Variants in TRIT1 observed in about 807,000 individuals in gnomAD.
TRIT1 encodes tRNA isopentenyltransferase 1.
A neutral mutation model predicts 51.2 loss-of-function variants in TRIT1; 43 were observed. That is an observed-to-expected ratio of 0.84 (90% CI 0.66 to 1.08). TRIT1 has a LOEUF of 1.08. TRIT1 is among the 50% of genes least tolerant of loss of function. TRIT1 has a pLI of 0.00. For missense variants in TRIT1, 528 were observed against 578.4 expected, an observed-to-expected ratio of 0.91 and a Z score of 0.89; for synonymous variants, 184 against 203.9, an observed-to-expected ratio of 0.90 and a Z score of 0.83.
chr1:39,867,063 T>C (rs1006941077), intron 1 of TRIT1, among the ~76,000 whole-genome samples: 9 of 152,254 alleles, frequency 5.9e-5, no homozygotes, highest in African/African-American at 2.2e-4. Flanking sequence ...TTGGAATTTA[T>C]AGTGCAGATT....
chr1:39,877,070 AT>A (rs1477549597), intron 1 of TRIT1, among the ~76,000 whole-genome samples: 5 of 144,910 alleles, frequency 3.5e-5, no homozygotes, highest in Non-Finnish European at 7.5e-5. Flanking sequence ...TTTATTTCAC[AT>A]TTTATTAAGC....
intron 1 of TRIT1, among the ~76,000 whole-genome samples, chr1:39,862,349 T>C (rs1209214380): frequency 6.6e-6 from 1 of 151,778 alleles, no homozygotes; most frequent in Non-Finnish European, 1.5e-5. Context: ...TGATAGCTTT[T>C]AGGCACAATA....
chr1:39,861,569 C>A (rs1643246783), intron 1 of TRIT1, among the ~76,000 whole-genome samples: 1 of 152,128 alleles, frequency 6.6e-6, no homozygotes, highest in Non-Finnish European at 1.5e-5. Context: ...TATCCATCCA[C>A]AGATAAACAG....
chr1:39,849,116 T>G (rs1642410857), intron 5 of TRIT1, among the ~76,000 whole-genome samples: 1 of 152,192 alleles, frequency 6.6e-6, no homozygotes, highest in African/African-American at 2.4e-5. Flanking sequence ...AACAGTAACC[T>G]TCCTAGAAAG....
chr1:39,856,110 G>A (rs1468564224), intron 2 of TRIT1, among the ~76,000 whole-genome samples: 2 of 152,116 alleles, frequency 1.3e-5, no homozygotes, highest in Non-Finnish European at 2.9e-5. Flanking sequence ...TTCGAGACCA[G>A]CCTGGCCAAC....
intron 1 of TRIT1, among the ~76,000 whole-genome samples, chr1:39,860,890 C>T (rs1400297316): frequency 6.6e-6 from 1 of 152,088 alleles, no homozygotes; most frequent in Non-Finnish European, 1.5e-5. Flanking sequence ...CCAGCCTGAC[C>T]AACATGGTGA....
chr1:39,868,512 C>T (rs1643673371), intron 1 of TRIT1, among the ~76,000 whole-genome samples: 1 of 152,016 alleles, frequency 6.6e-6, no homozygotes, highest in African/African-American at 2.4e-5. Flanking sequence ...GGCGTGCTGG[C>T]AAGCACCTAT....
intron 1 of TRIT1, among the ~76,000 whole-genome samples, chr1:39,880,760 C>T (rs901339421): frequency 2.0e-5 from 3 of 151,264 alleles, no homozygotes; most frequent in Non-Finnish European, 2.9e-5. Flanking sequence ...GATTGCGCCA[C>T]TGCACTCCAG....
rs191139225 is a variant in TRIT1 at position 39,841,134 on chromosome 1, C to T, written c.*610G>A. ...GAAAGACAGCAGTGATAATAACTCA[C>T]ACATGAGCAGCTCGCAAATTTCAAA... On this transcript the variant is annotated 3_prime_UTR_variant, in exon 11 of 11. Transcript: ENST00000316891. 6.6e-5 allele frequency: 10 copies of T among 152,322 alleles called. No homozygotes were observed. The highest frequency in any genetic ancestry group is 2.4e-4 in the African/African-American group (10 of 41,584). The allele number at this position is 152,322 out of a possible 1,614,324, so 9.4% of individuals were successfully genotyped here.
In TRIT1 at chr1:39,847,611, G is replaced by A. The variant is rs1642309613; in HGVS notation, c.865C>T (p.His289Tyr). 1.2e-6 allele frequency: 2 copies of A among 1,614,100 alleles called. No individual in the cohort carries two copies. The highest frequency in any genetic ancestry group is 3.3e-5 in the Admixed American group (2 of 60,006). ...TTTCCCTCAGTGATCAGGTACTCGT[G>A]AAATTCCTTGAAGCCAATTGATTGG... The part of the protein sequence containing the change: ...IFQSIGFKEF[H>Y]EYLITEGKCT... Residue 289 changes from histidine to tyrosine, a missense_variant, in exon 7 of 11, where the codon CAC becomes TAC. By Grantham distance (83) the His-to-Tyr change is moderately conservative. This residue lies in a region of TRIT1 where 468 missense variants were observed against 522.6 expected (regional missense o/e 0.90). Transcript: ENST00000316891.
chr1:39,869,409 A>G (rs1643745231), intron 1 of TRIT1, among the ~76,000 whole-genome samples: 1 of 152,164 alleles, frequency 6.6e-6, no homozygotes, highest in Non-Finnish European at 1.5e-5. Flanking sequence ...TCAGTGCTCA[A>G]TGTTGCACAG....
At chr1:39,869,999 G>A (rs923066586) in intron 1 of TRIT1, among the ~76,000 whole-genome samples, 11 of 152,280 alleles carry the variant, frequency 7.2e-5, no homozygotes, top group African/African-American at 2.4e-4. Context: ...CCGCCACCCC[G>A]TCTGGGAGGT....
At chr1:39,878,958 G>A (rs1195579080) in intron 1 of TRIT1, among the ~76,000 whole-genome samples, 1 of 152,130 alleles carries the variant, frequency 6.6e-6, no homozygotes, top group Non-Finnish European at 1.5e-5. Flanking sequence ...CTCCTAAGAA[G>A]GATAACTGGC....
In TRIT1 at chr1:39,838,765, C is replaced by T. The variant is rs115199005; in HGVS notation, c.*2979G>A. Among the ~76,000 whole-genome samples the T allele has an allele frequency of 2.4e-3, 364 of 152,236 alleles. 5 individuals are homozygous for T. The highest frequency in any genetic ancestry group is 7.0e-3 in the African/African-American group (292 of 41,524). On this transcript the variant is annotated 3_prime_UTR_variant, in exon 11 of 11. Coordinates refer to ENST00000316891, the MANE Select transcript of TRIT1 (RefSeq NM_017646.6). ...ATCCTTCTGCCTCAGTTACCCAAAG[C>T]GTTGGGATTACAGGCGTGAGCCACC...
intron 8 of TRIT1, 29 bp from the exon 9 acceptor site, chr1:39,844,669 G>A: frequency 1.9e-6 from 3 of 1,540,306 alleles, no homozygotes; most frequent in Non-Finnish European, 2.7e-6. Context: ...GGTTGTGAGA[G>A]GTCAGCCTCA....
intron 1 of TRIT1, among the ~76,000 whole-genome samples, chr1:39,857,702 C>T (rs1414488637): frequency 6.6e-6 from 1 of 152,190 alleles, no homozygotes; most frequent in Non-Finnish European, 1.5e-5. Context: ...AAAACGAATT[C>T]TGCATGGCCA....
At chr1:39,874,539 A>T (rs770081387) in intron 1 of TRIT1, among the ~76,000 whole-genome samples, 10 of 152,180 alleles carry the variant, frequency 6.6e-5, no homozygotes, top group Non-Finnish European at 1.3e-4. Flanking sequence ...CATGTGCTTA[A>T]ATATATATAC....
At chr1:39,854,673 C>T (rs1642789662) in intron 2 of TRIT1, among the ~76,000 whole-genome samples, 1 of 152,122 alleles carries the variant, frequency 6.6e-6, no homozygotes, top group Non-Finnish European at 1.5e-5. Context: ...TCCCCATGAG[C>T]CTTAAATGTG....
chr1:39,881,046 C>T (rs1047235627), intron 1 of TRIT1, among the ~76,000 whole-genome samples: 5 of 151,438 alleles, frequency 3.3e-5, no homozygotes, highest in African/African-American at 7.3e-5. Context: ...GGCGAAACTC[C>T]GTCTCTACTA....
Sources: allele counts gnomAD v4.1 joint callset (sites outside exome capture counted in the v4.1 genomes callset), GRCh38; gene constraint gnomAD v4.1.1; regional missense constraint gnomAD v4.1.1; transcripts MANE v1.5; gene names NCBI Gene and HGNC (gene_info 2026-07-23, HGNC 2026-07-21).